WDFY4: variants seen among roughly 807,000 people sequenced by gnomAD.
WDFY4 encodes the protein WDFY family member 4, also known as WD repeat- and FYVE domain-containing protein 4.
Under a neutral mutation model 351.9 loss-of-function variants are expected in WDFY4, and 169 were observed. The ratio of observed to expected loss-of-function variants is 0.48; its 90% CI spans 0.42 to 0.55. The LOEUF (loss-of-function observed/expected upper bound fraction) is 0.55, where lower values mean the gene tolerates loss of function less well. Among genes scored for constraint, WDFY4 ranks in the 20% least tolerant of loss-of-function variants. The pLI, the probability that WDFY4 is intolerant of heterozygous loss-of-function variation, is 0.00. For synonymous variants in WDFY4, 1,622 were observed against 1,574.6 expected (o/e 1.03, Z -0.71); for missense variants, 3,803 against 3,935.6 (o/e 0.97, Z 0.90).
At chr10:48,829,745 G>A (rs1233302572) in intron 37 of WDFY4, among the ~76,000 whole-genome samples, 2 of 152,074 alleles carry the variant, frequency 1.3e-5, no homozygotes, top group African/African-American at 2.4e-5. Flanking sequence ...CCAGCTACTC[G>A]GGAGGCTGAG....
intron 1 of WDFY4, among the ~76,000 whole-genome samples, chr10:48,691,487 G>A (rs4269848): frequency 0.36 from 54,181 of 151,986 alleles, 9,876 homozygotes; most frequent in Middle Eastern, 0.42. Context: ...CTGGCAACCC[G>A]GCCTGGCTCC....
intron 39 of WDFY4, among the ~76,000 whole-genome samples, chr10:48,844,647 C>A (rs1289627014): frequency 6.6e-6 from 1 of 152,150 alleles, no homozygotes; most frequent in African/African-American, 2.4e-5. Context: ...AGGCTTGGGG[C>A]TCCCAGGTGC....
At chr10:48,976,553 T>G in intron 58 of WDFY4, 5 of 300,318 alleles carry the variant, frequency 1.7e-5, no homozygotes. Flanking sequence ...GTGAGCCAGG[T>G]GCCTTCTGCC....
At position 48,806,138 on chromosome 10, in the gene WDFY4, C is replaced by T. The variant is rs62621850; in HGVS notation, c.4738+43C>T. ...AGTTCGAAGGCAGTAGGACGGCCCT[C>T]ACGGAACCCCTGAGAGGCCCACATT... On this transcript the variant is annotated intron_variant, in intron 27 of 61. Transcript: ENST00000325239. 1,497 of 1,535,720 alleles carry T rather than the reference C, an allele frequency of 9.7e-4. 10 individuals carry two copies. Among genetic ancestry groups the T allele is most frequent in the South Asian group, 3.8e-3 (318 of 83,720 alleles).
intron 13 of WDFY4, among the ~76,000 whole-genome samples, chr10:48,768,723 A>AAGAGAGAAAGAG (rs1555000838): frequency 7.1e-6 from 1 of 140,978 alleles, no homozygotes; most frequent in East Asian, 2.3e-4. Flanking sequence ...GGGAGAGGAG[A>AAGAGAGAAAGAG]AGAGAGAGAG....
chr10:48,725,920 G>A lies in WDFY4; in HGVS notation c.631G>A (p.Gly211Arg), dbSNP rs368696574. The A allele has an allele frequency of 1.1e-4, 176 of 1,550,776 alleles. No homozygotes were observed. The highest frequency in any genetic ancestry group is 3.0e-4 in the African/African-American group (22 of 73,044). Residue 211 changes from glycine (G) to arginine (R), a missense_variant, in exon 6 of 62, where the codon GGA becomes AGA. This residue lies in a region of WDFY4 where 488 missense variants were observed against 456.8 expected (regional missense o/e 1.07). Coordinates refer to ENST00000325239, the MANE Select transcript of WDFY4 (RefSeq NM_001394531.1). ...TTGCAGTGACTCTCAGGGCCTGGAGGGACTCCTCTCAGGAAGTGAGCTGCA... is the reference window on the plus strand; with the variant it reads ...TTGCAGTGACTCTCAGGGCCTGGAGAGACTCCTCTCAGGAAGTGAGCTGCA... ...NICSDSQGLEGLLSGSELQSL... is the reference protein window; with the variant it reads ...NICSDSQGLERLLSGSELQSL...
intron 27 of WDFY4, 70 bp downstream of exon 27, chr10:48,806,165 T>C: frequency 1.4e-6 from 2 of 1,471,634 alleles, no homozygotes; most frequent in Admixed American, 2.0e-5. Flanking sequence ...GCCCACATTG[T>C]GCAGAGGGAG....
At chr10:48,742,907 G>C (rs1339888577) in intron 11 of WDFY4, 61 bp from the exon 12 acceptor site, 2 of 1,443,990 alleles carry the variant, frequency 1.4e-6, no homozygotes, top group Admixed American at 4.5e-5. Context: ...AGGAATGTGT[G>C]TGGGCTCAGG....
chr10:48,711,875 T>G (rs747372545), intron 2 of WDFY4, among the ~76,000 whole-genome samples: 26 of 152,206 alleles, frequency 1.7e-4, no homozygotes, highest in Admixed American at 6.5e-4. Context: ...TCTTGAAAAT[T>G]TTGGTAGATC....
At chr10:48,861,558 ACT>A (rs1244420657) in intron 39 of WDFY4, among the ~76,000 whole-genome samples, 1 of 152,114 alleles carries the variant, frequency 6.6e-6, no homozygotes, top group African/African-American at 2.4e-5. Flanking sequence ...GAAAAAAATC[ACT>A]GTTAATTAAA....
chr10:48,900,332 G>A (rs1159729208), intron 46 of WDFY4, 26 bp downstream of exon 46: 2 of 1,536,284 alleles, frequency 1.3e-6, no homozygotes, highest in Admixed American at 3.9e-5. Context: ...TCCTCCTTCT[G>A]AGGAAACTGA....
Position 48,743,103 on chromosome 10 carries a change from G to C in WDFY4, c.2014G>C (p.Val672Leu). ...QEPPLQAWGA[V>L]SPRQTLELVL... ...GCCCCCGCTGCAGGCATGGGGAGCA[G>C]TATCCCCCAGACAGACCCTGGAGCT... The change falls in exon 12 of 62, where the codon GTA (valine) becomes CTA (leucine). Residue 672 changes from valine to leucine, a missense_variant. Val to Leu is a conservative substitution (Grantham distance 32). Transcript: ENST00000325239. The C allele has an allele frequency of 1.3e-6, 2 of 1,551,730 alleles. No individual in the cohort carries two copies. The highest frequency in any genetic ancestry group is 1.2e-5 in the South Asian group (1 of 84,062).
chr10:48,905,694 G>A (rs55950052), intron 47 of WDFY4, among the ~76,000 whole-genome samples: 40 of 152,338 alleles, frequency 2.6e-4, no homozygotes, highest in Admixed American at 1.7e-3. Flanking sequence ...AGCAAAATGC[G>A]GACACCCCGC....
intron 47 of WDFY4, among the ~76,000 whole-genome samples, chr10:48,915,490 CT>C (rs1241116604): frequency 6.6e-6 from 1 of 152,052 alleles, no homozygotes; most frequent in Non-Finnish European, 1.5e-5. Context: ...TGCATTGCCT[CT>C]GTTCCCTGCA....
chr10:48,769,785 C>A (rs949176733), intron 13 of WDFY4, among the ~76,000 whole-genome samples: 2 of 152,126 alleles, frequency 1.3e-5, no homozygotes, highest in African/African-American at 4.8e-5. Flanking sequence ...AGAGAGAGAG[C>A]GATACATAAG....
intron 1 of WDFY4, among the ~76,000 whole-genome samples, chr10:48,705,472 C>A (rs1334626282): frequency 6.6e-6 from 1 of 152,084 alleles, no homozygotes; most frequent in Non-Finnish European, 1.5e-5. Flanking sequence ...GTAGGTGGGG[C>A]ACTTCTTGAG....
intron 44 of WDFY4, among the ~76,000 whole-genome samples, chr10:48,891,674 C>G (rs745861688): frequency 1.3e-5 from 2 of 152,334 alleles, no homozygotes; most frequent in Non-Finnish European, 2.9e-5. Context: ...CTGCCCCACC[C>G]TAGTTTCTAA....
At chr10:48,692,844 T>C (rs900378798) in intron 1 of WDFY4, among the ~76,000 whole-genome samples, 1 of 152,222 alleles carries the variant, frequency 6.6e-6, no homozygotes, top group African/African-American at 2.4e-5. Flanking sequence ...CGTATCTTGA[T>C]GCAGCCTTGA....
chr10:48,898,400 A>C (rs892292549), intron 45 of WDFY4, among the ~76,000 whole-genome samples: 34 of 152,046 alleles, frequency 2.2e-4, no homozygotes, highest in African/African-American at 8.2e-4. Context: ...AGGGGATCCT[A>C]GGGACCACGT....
Sources: allele counts gnomAD v4.1 joint callset (sites outside exome capture counted in the v4.1 genomes callset), GRCh38; gene constraint gnomAD v4.1.1; regional missense constraint gnomAD v4.1.1; transcripts MANE v1.5; gene names NCBI Gene and HGNC (gene_info 2026-07-23, HGNC 2026-07-21).